The following RFX3 variants were observed in gnomAD, a reference collection of about 807,000 sequenced individuals.
RFX3 encodes transcription factor RFX3.
Under a neutral mutation model 98.6 loss-of-function variants are expected in RFX3, and 14 were observed. That is an observed-to-expected ratio of 0.14 (90% confidence interval 0.09 to 0.22). RFX3 has a LOEUF of 0.22. Ranked by LOEUF, RFX3 falls within the 10% of genes least tolerant of loss-of-function variation. RFX3 has a pLI of 1.00. For synonymous variants in RFX3, 383 were observed against 328.4 expected (o/e 1.17, Z -1.80); for missense variants, 639 against 926.9 (o/e 0.69, Z 4.03).
chr9:3,351,059 C>T (rs1297327656), intron 2 of RFX3, among the ~76,000 whole-genome samples: 3 of 151,252 alleles, frequency 2.0e-5, no homozygotes, highest in East Asian at 3.9e-4. Flanking sequence ...GAATGCACAA[C>T]ACCGAGAATG....
At chr9:3,469,713 A>T (rs111248859) in intron 1 of RFX3, among the ~76,000 whole-genome samples, 121 of 152,258 alleles carry the variant, frequency 7.9e-4, no homozygotes, top group Middle Eastern at 6.8e-3. Context: ...CAACCGTACA[A>T]AATCAACAAT....
chr9:3,474,916 A>G (rs7021070), intron 1 of RFX3, among the ~76,000 whole-genome samples: 28,924 of 151,994 alleles, frequency 0.19, 5,936 homozygotes, highest in East Asian at 0.51. Context: ...CCTGGGCAAC[A>G]CAGGAAGATC....
At chr9:3,495,653 G>T (rs909086334) in intron 1 of RFX3, among the ~76,000 whole-genome samples, 1 of 151,974 alleles carries the variant, frequency 6.6e-6, no homozygotes, top group Non-Finnish European at 1.5e-5. Flanking sequence ...TGTTTCCCCT[G>T]GCTCTAAAAG....
chr9:3,422,110 A>G (rs896213418), intron 1 of RFX3, among the ~76,000 whole-genome samples: 1 of 152,332 alleles, frequency 6.6e-6, no homozygotes, highest in Middle Eastern at 3.4e-3. Context: ...AATTACTAGT[A>G]TGACAAGAGG....
At chr9:3,237,823 G>A (rs186152605) in intron 15 of RFX3, among the ~76,000 whole-genome samples, 142 of 152,300 alleles carry the variant, frequency 9.3e-4, no homozygotes, top group African/African-American at 3.3e-3. Flanking sequence ...CAGCATGGGC[G>A]GAACAACATA....
chr9:3,317,965 G>A (rs904006883), intron 4 of RFX3, among the ~76,000 whole-genome samples: 15 of 152,172 alleles, frequency 9.9e-5, no homozygotes, highest in African/African-American at 3.1e-4. Context: ...ACAGTGTGGC[G>A]ATTCCTCAGG....
At chr9:3,296,832 G>T (rs1054087570) in intron 5 of RFX3, among the ~76,000 whole-genome samples, 8 of 152,036 alleles carry the variant, frequency 5.3e-5, no homozygotes, top group African/African-American at 1.9e-4. Context: ...CCCACCTCGG[G>T]CTAGATCGCC....
chr9:3,327,730 T>A (rs1475382820), intron 4 of RFX3, among the ~76,000 whole-genome samples: 1 of 152,132 alleles, frequency 6.6e-6, no homozygotes, highest in African/African-American at 2.4e-5. Flanking sequence ...TGGTGTTTTG[T>A]AACAGTTTTC....
intron 1 of RFX3, among the ~76,000 whole-genome samples, chr9:3,462,968 T>C (rs1017107559): frequency 1.3e-5 from 2 of 152,128 alleles, no homozygotes; most frequent in Admixed American, 6.5e-5. Context: ...ACACCCAATA[T>C]TGTTTAATAT....
chr9:3,347,244 C>A (rs1834540012), intron 2 of RFX3, among the ~76,000 whole-genome samples: 1 of 151,894 alleles, frequency 6.6e-6, no homozygotes, highest in African/African-American at 2.4e-5. Context: ...TTGCTTGAAC[C>A]TGGGAGGCAG....
chr9:3,345,985 C>T (rs578065191), intron 3 of RFX3, among the ~76,000 whole-genome samples: 1 of 152,180 alleles, frequency 6.6e-6, no homozygotes, highest in South Asian at 2.1e-4. Context: ...TTTAAGTTAA[C>T]CGAGGAAGCC....
chr9:3,406,433 G>T (rs893951158), intron 1 of RFX3, among the ~76,000 whole-genome samples: 4 of 151,848 alleles, frequency 2.6e-5, no homozygotes, highest in Non-Finnish European at 5.9e-5. Flanking sequence ...TCCGAATCTA[G>T]TGTCCTCCTG....
chr9:3,249,243 T>C (rs1455082000), intron 14 of RFX3, among the ~76,000 whole-genome samples: 1 of 152,168 alleles, frequency 6.6e-6, no homozygotes, highest in East Asian at 1.9e-4. Flanking sequence ...CTGTTTCATT[T>C]TTCAACCTTG....
At chr9:3,517,577 T>C (rs1420517443) in intron 1 of RFX3, among the ~76,000 whole-genome samples, 1 of 152,180 alleles carries the variant, frequency 6.6e-6, no homozygotes, top group East Asian at 1.9e-4. Flanking sequence ...CAAGCAGTAC[T>C]AGCTGGGTAT....
intron 4 of RFX3, among the ~76,000 whole-genome samples, chr9:3,302,360 T>G (rs141788242): frequency 3.2e-4 from 48 of 151,860 alleles, no homozygotes; most frequent in African/African-American, 1.0e-3. Flanking sequence ...CCATGTACGA[T>G]TATTAATTAA....
intron 1 of RFX3, among the ~76,000 whole-genome samples, chr9:3,504,018 G>C (rs1463357074): frequency 6.6e-6 from 1 of 150,792 alleles, no homozygotes; most frequent in African/African-American, 2.4e-5. Flanking sequence ...CCTCCAACTT[G>C]GAAGCAGGTA....
intron 1 of RFX3, among the ~76,000 whole-genome samples, chr9:3,498,772 G>A (rs897816897): frequency 6.6e-6 from 1 of 152,024 alleles, no homozygotes; most frequent in Non-Finnish European, 1.5e-5. Flanking sequence ...AGAAAACCAT[G>A]ACAACTGTTT....
chr9:3,232,879 C>G (rs1183946184), intron 15 of RFX3, among the ~76,000 whole-genome samples: 3 of 150,170 alleles, frequency 2.0e-5, no homozygotes, highest in African/African-American at 7.4e-5. Flanking sequence ...AGAGAAACAC[C>G]CACACATGGA....
intron 7 of RFX3, among the ~76,000 whole-genome samples, chr9:3,283,925 T>G (rs1249661167): frequency 6.6e-6 from 1 of 151,754 alleles, no homozygotes; most frequent in Non-Finnish European, 1.5e-5. Flanking sequence ...AGACAAGAGT[T>G]CTTAACCTGG....
Sources: allele counts gnomAD v4.1 joint callset (sites outside exome capture counted in the v4.1 genomes callset), GRCh38; gene constraint gnomAD v4.1.1; transcripts MANE v1.5; gene names NCBI Gene and HGNC (gene_info 2026-07-23, HGNC 2026-07-21).